AGAP6: variants seen among roughly 807,000 people sequenced by gnomAD.
AGAP6 encodes the protein ArfGAP with GTPase domain, ankyrin repeat and PH domain 6, also known as arf-GAP with GTPase, ANK repeat and PH domain-containing protein 6.
In AGAP6, 29 loss-of-function variants were observed where a neutral mutation model predicts 63.9. That is an observed-to-expected ratio of 0.45 (90% CI 0.34 to 0.62). The LOEUF (loss-of-function observed/expected upper bound fraction) is 0.62, where lower values mean the gene tolerates loss of function less well. Ranked by LOEUF, AGAP6 falls within the 20% of genes least tolerant of loss-of-function variation. AGAP6 has a pLI of 0.01. For synonymous variants in AGAP6, 199 were observed against 332.9 expected, an observed-to-expected ratio of 0.60 and a Z score of 4.38; for missense variants, 493 against 884.9, an observed-to-expected ratio of 0.56 and a Z score of 5.62.
chr10:49,989,363 C>G lies in AGAP6; in HGVS notation c.279C>G (p.Asn93Lys), dbSNP rs782310818. 7 of 1,597,488 alleles carry G rather than the reference C, an allele frequency of 4.4e-6. No homozygotes were observed. Among genetic ancestry groups the G allele is most frequent in the South Asian group, 1.1e-5 (1 of 90,988 alleles). ...NPESSTIFQR[N>K]SQTEALEFNP... ...AGTCAAGCACAATATTCCAGAGGAA[C>G]TCTCAAACAGAAGGTGAGACAACAG... The change falls in exon 2 of 8, where the codon AAC becomes AAG. Residue 93 changes from asparagine (N) to lysine (K), a missense_variant. Asn to Lys is a moderately conservative substitution (Grantham distance 94). Around this residue, in one of 7 missense-constraint regions of AGAP6, gnomAD observed 342 missense variants for 533.4 expected, o/e 0.64. Coordinates refer to ENST00000412531, the MANE Select transcript of AGAP6 (RefSeq NM_001077665.3).
At chr10:49,994,642 G>A (rs782207353) in intron 4 of AGAP6, among the ~76,000 whole-genome samples, 16 of 152,122 alleles carry the variant, frequency 1.1e-4, no homozygotes, top group Non-Finnish European at 1.6e-4. Context: ...TGACATTTAA[G>A]TTAAATTTCA....
rs187799681 is a variant in AGAP6 at position 50,008,098 on chromosome 10, G to T, written c.585+22G>T. The T allele has an allele frequency of 6.2e-6, 10 of 1,611,752 alleles. No homozygotes were observed. The Admixed American group carries it at 1.0e-4, about 16-fold the overall frequency. ...TGCGGTAAGTGGCACTTTTATTGAGGTTGTATTTTCATCATACACTTGTAT... is the reference window on the plus strand; with the variant it reads ...TGCGGTAAGTGGCACTTTTATTGAGTTTGTATTTTCATCATACACTTGTAT... On this transcript the variant is annotated intron_variant, in intron 7 of 7. Transcript: ENST00000412531.
rs200482356 is a variant in AGAP6 at position 50,009,648 on chromosome 10, G to A, written c.1523G>A (p.Ser508Asn). 607 of 1,614,238 alleles carry A rather than the reference G, an allele frequency of 3.8e-4. 1 individual carries two copies. The Middle Eastern group carries it at 7.1e-3, about 19-fold the overall frequency. Residue 508 changes from serine (S) to asparagine (N), a missense_variant, in exon 8 of 8, where the codon AGT (serine) becomes AAT (asparagine). Physicochemically the swap from Ser to Asn is conservative, Grantham distance 46. Around this residue, in one of 7 missense-constraint regions of AGAP6, gnomAD observed 87 missense variants for 92.9 expected, o/e 0.94. Coordinates refer to ENST00000412531, the MANE Select transcript of AGAP6 (RefSeq NM_001077665.3). ...MCIECSGIHRSLGPHLSRVRS... is the reference protein window; with the variant it reads ...MCIECSGIHRNLGPHLSRVRS... ...ATTGAATGCTCAGGTATCCACCGCAGTCTTGGCCCCCACCTTTCCCGTGTG... is the reference window on the plus strand; with the variant it reads ...ATTGAATGCTCAGGTATCCACCGCAATCTTGGCCCCCACCTTTCCCGTGTG...
At chr10:49,993,069 C>T (rs1403062392) in intron 3 of AGAP6, among the ~76,000 whole-genome samples, 9 of 152,078 alleles carry the variant, frequency 5.9e-5, no homozygotes, top group African/African-American at 1.2e-4. Flanking sequence ...GCCAGTACCA[C>T]AGTCTTTTAA....
chr10:49,996,509 G>A (rs1162960888), intron 4 of AGAP6, among the ~76,000 whole-genome samples: 2 of 151,750 alleles, frequency 1.3e-5, no homozygotes, highest in Admixed American at 6.6e-5. Context: ...CCAATTTTCT[G>A]CCTGGAAAGT....
At chr10:49,993,435 T>A (rs1207640075) in intron 3 of AGAP6, among the ~76,000 whole-genome samples, 1 of 151,818 alleles carries the variant, frequency 6.6e-6, no homozygotes, top group Non-Finnish European at 1.5e-5. Context: ...TTGGGGCTTT[T>A]ATTATTCTGG....
rs782712575 is a variant in AGAP6 at position 50,008,892 on chromosome 10, CTG to C, written c.768_769del (p.Lys258ArgfsTer3). The C allele has an allele frequency of 2.9e-5, 46 of 1,612,032 alleles. No individual in the cohort carries two copies. The highest frequency in any genetic ancestry group is 3.7e-5 in the Non-Finnish European group (44 of 1,178,836). ...ATGCGCTGGTCCAACCTGTTTACAT[CTG>C]AGAAAGGGAGTGACCCAGACAAAGA... On this transcript the variant is annotated frameshift_variant, in exon 8 of 8. Coordinates refer to ENST00000412531, the MANE Select transcript of AGAP6 (RefSeq NM_001077665.3). LOFTEE classifies it high-confidence loss of function.
intron 6 of AGAP6, among the ~76,000 whole-genome samples, chr10:50,006,647 C>G (rs1433257326): frequency 2.0e-5 from 3 of 152,090 alleles, no homozygotes; most frequent in African/African-American, 7.2e-5. Flanking sequence ...TCTCAAAGTG[C>G]TGGGATTTTA....
chr10:49,989,487 C>A, intron 2 of AGAP6, 111 bp downstream of exon 2: 6 of 1,513,632 alleles, frequency 4.0e-6, no homozygotes, highest in Non-Finnish European at 4.4e-6. Flanking sequence ...CCCAACTTTT[C>A]AGTACCCATC....
intron 2 of AGAP6, among the ~76,000 whole-genome samples, chr10:49,990,179 C>T (rs533971754): frequency 2.5e-4 from 38 of 152,306 alleles, no homozygotes; most frequent in Admixed American, 1.5e-3. Flanking sequence ...TGGCTCACGC[C>T]TGTAATCCCA....
In AGAP6 at chr10:50,008,086, A is replaced by G; in HGVS notation, c.585+10A>G. The G allele has an allele frequency of 5.0e-6, 8 of 1,611,896 alleles. No individual in the cohort carries two copies. Among genetic ancestry groups the G allele is most frequent in the Non-Finnish European group, 6.8e-6 (8 of 1,179,844 alleles). On this transcript the variant is annotated intron_variant, in intron 7 of 7. Coordinates refer to ENST00000412531, the MANE Select transcript of AGAP6 (RefSeq NM_001077665.3). The stretch of plus-strand genomic sequence containing the variant: ...GTTACACTCATTTGCGGTAAGTGGC[A>G]CTTTTATTGAGGTTGTATTTTCATC...
chr10:50,003,966 T>G (rs1554863395), intron 5 of AGAP6, among the ~76,000 whole-genome samples: 2 of 152,206 alleles, frequency 1.3e-5, no homozygotes, highest in African/African-American at 2.4e-5. Flanking sequence ...AAAGTGCTAA[T>G]ATTGTGTAGA....
intron 5 of AGAP6, 26 bp downstream of exon 5, chr10:50,002,122 A>G: frequency 6.3e-7 from 1 of 1,591,522 alleles, no homozygotes; most frequent in South Asian, 1.1e-5. Context: ...CTGCCGAGGG[A>G]CAGATTCCTT....
intron 2 of AGAP6, among the ~76,000 whole-genome samples, chr10:49,991,063 A>G (rs539697147): frequency 8.5e-5 from 13 of 152,218 alleles, no homozygotes; most frequent in Middle Eastern, 3.4e-3. Context: ...AACACAGTTT[A>G]TGTATGTCTC....
Position 50,008,074 on chromosome 10 carries a change from G to C in AGAP6, c.583G>C (p.Ala195Pro). The C allele has an allele frequency of 6.2e-7, 1 of 1,611,878 alleles. No individual in the cohort carries two copies. The highest frequency in any genetic ancestry group is 8.5e-7 in the Non-Finnish European group (1 of 1,179,812). ...SIPDEQLHSFAVSTVHIMKKR... is the reference protein window; with the variant it reads ...SIPDEQLHSFPVSTVHIMKKR... ...ACCTGATGAACAGTTACACTCATTT[G>C]CGGTAAGTGGCACTTTTATTGAGGT... The change falls in exon 7 of 8, where the codon GCG (alanine) becomes CCG (proline). Residue 195 changes from alanine (A) to proline (P), a missense_variant and splice_region_variant. Coordinates refer to ENST00000412531, the MANE Select transcript of AGAP6 (RefSeq NM_001077665.3).
intron 4 of AGAP6, among the ~76,000 whole-genome samples, chr10:49,995,366 G>A (rs1841445034): frequency 6.6e-6 from 1 of 152,096 alleles, no homozygotes; most frequent in Non-Finnish European, 1.5e-5. Context: ...AGTAGCCTCT[G>A]GGTGCTCTGT....
Position 49,989,511 on chromosome 10 carries a change from G to A in AGAP6, c.292+135G>A, listed in dbSNP as rs1439434517. Reference sequence around the variant, plus strand: ...TCAGTACCCATCTTATTTTTTCTTTGTACCTATCCAGATGGTACCTAAGTG... The same window carrying A: ...TCAGTACCCATCTTATTTTTTCTTTATACCTATCCAGATGGTACCTAAGTG... On this transcript the variant is annotated intron_variant, in intron 2 of 7. Coordinates refer to ENST00000412531, the MANE Select transcript of AGAP6 (RefSeq NM_001077665.3). 16 of 1,432,356 alleles carry A rather than the reference G, an allele frequency of 1.1e-5. No homozygotes were observed. The Admixed American group carries it at 2.2e-4, about 20-fold the overall frequency. 88.7% of individuals were successfully genotyped at this position (1,432,356 alleles called of 1,614,324 possible). A position where few individuals can be genotyped will look rare whatever the true frequency, so the allele number is the denominator to read the frequency against.
intron 2 of AGAP6, among the ~76,000 whole-genome samples, chr10:49,990,203 C>A (rs1199499290): frequency 6.6e-6 from 1 of 152,172 alleles, no homozygotes; most frequent in Non-Finnish European, 1.5e-5. Flanking sequence ...CTTTGGGAGG[C>A]TGTGGCAGGC....
chr10:49,998,899 T>A (rs1411450034), intron 4 of AGAP6, among the ~76,000 whole-genome samples: 1 of 139,502 alleles, frequency 7.2e-6, no homozygotes, highest in African/African-American at 2.8e-5. Context: ...AGCAACGTTT[T>A]GTAGTTCCCA....
Sources: allele counts gnomAD v4.1 joint callset (sites outside exome capture counted in the v4.1 genomes callset), GRCh38; gene constraint gnomAD v4.1.1; regional missense constraint gnomAD v4.1.1; transcripts MANE v1.5; gene names NCBI Gene and HGNC (gene_info 2026-07-23, HGNC 2026-07-21).